The following PTH2R variants were observed in gnomAD, a reference collection of about 807,000 sequenced individuals.
PTH2R encodes the protein parathyroid hormone 2 receptor.
In PTH2R, 59 loss-of-function variants were observed where a neutral mutation model predicts 60.3. That is an observed-to-expected ratio of 0.98 (90% CI 0.79 to 1.22). The LOEUF is 1.22. Among genes scored for constraint, PTH2R ranks in the 50% most tolerant of loss-of-function variants. PTH2R has a pLI of 0.00. For synonymous variants in PTH2R, 256 were observed against 243.8 expected (o/e 1.05, Z -0.47); for missense variants, 749 against 682.6 (o/e 1.10, Z -1.08).
chr2:208,445,350 A>G (rs1175897717), intron 7 of PTH2R, among the ~76,000 whole-genome samples: 1 of 152,228 alleles, frequency 6.6e-6, no homozygotes, highest in African/African-American at 2.4e-5. Flanking sequence ...ACAAATACAA[A>G]TTACAAACTA....
intron 1 of PTH2R, among the ~76,000 whole-genome samples, chr2:208,363,155 GT>G (rs552845278): frequency 6.6e-6 from 1 of 152,108 alleles, no homozygotes; most frequent in Non-Finnish European, 1.5e-5. Flanking sequence ...CTGATAGGTA[GT>G]TTTTTGACCC....
chr2:208,479,633 A>G (rs1248783095), intron 9 of PTH2R, among the ~76,000 whole-genome samples: 1 of 152,134 alleles, frequency 6.6e-6, no homozygotes, highest in East Asian at 1.9e-4. Context: ...AACAAAATCT[A>G]TCTGTGAGCT....
At chr2:208,469,173 G>A (rs974643719) in intron 9 of PTH2R, among the ~76,000 whole-genome samples, 1 of 152,138 alleles carries the variant, frequency 6.6e-6, no homozygotes, top group Admixed American at 6.6e-5. Flanking sequence ...GAATTTATGG[G>A]AAAAATCTTT....
In PTH2R at chr2:208,444,684, A is replaced by G. The variant is rs565814693; in HGVS notation, c.700-50A>G. 52 of 1,556,786 alleles carry G rather than the reference A, an allele frequency of 3.3e-5. 1 individual carries two copies. In the South Asian group the frequency reaches 5.3e-4, roughly 16 times the overall value. On this transcript the variant is annotated intron_variant, in intron 6 of 12. Transcript: ENST00000272847. The stretch of plus-strand genomic sequence containing the variant: ...TTTTAGTGGTCTAATGTTGGCATCC[A>G]GTACAACAAAGTGTTCTAATATGAT...
At chr2:208,457,549 G>A (rs1702538940) in intron 8 of PTH2R, among the ~76,000 whole-genome samples, 1 of 152,164 alleles carries the variant, frequency 6.6e-6, no homozygotes. Context: ...AAAGGAAAAA[G>A]CAAATTGCAG....
intron 1 of PTH2R, among the ~76,000 whole-genome samples, chr2:208,413,466 A>G (rs933860554): frequency 6.6e-6 from 1 of 152,212 alleles, no homozygotes; most frequent in African/African-American, 2.4e-5. Flanking sequence ...GAAAGTGTAA[A>G]AATGATTCAG....
chr2:208,485,761 C>A (rs1267455493), intron 10 of PTH2R, among the ~76,000 whole-genome samples: 1 of 152,182 alleles, frequency 6.6e-6, no homozygotes, highest in Non-Finnish European at 1.5e-5. Context: ...TCCCCCAATA[C>A]CCTTCGCCTT....
At chr2:208,394,182 C>T (rs1407210547) in intron 1 of PTH2R, among the ~76,000 whole-genome samples, 6 of 152,164 alleles carry the variant, frequency 3.9e-5, no homozygotes, top group Non-Finnish European at 8.8e-5. Context: ...AATCAAGGCT[C>T]CCCACTAGCA....
At chr2:208,474,594 G>A (rs1249286361) in intron 9 of PTH2R, among the ~76,000 whole-genome samples, 1 of 152,232 alleles carries the variant, frequency 6.6e-6, no homozygotes, top group Non-Finnish European at 1.5e-5. Flanking sequence ...TTCTATGGCT[G>A]GAAGGAACAA....
intron 1 of PTH2R, among the ~76,000 whole-genome samples, chr2:208,408,036 A>G (rs928447656): frequency 2.0e-5 from 3 of 152,224 alleles, no homozygotes; most frequent in African/African-American, 7.2e-5. Context: ...AATTTCAATT[A>G]TTCTAAAAGT....
chr2:208,487,180 A>G (rs1172904090), intron 10 of PTH2R, among the ~76,000 whole-genome samples: 1 of 152,194 alleles, frequency 6.6e-6, no homozygotes, highest in African/African-American at 2.4e-5. Context: ...AAGCCTGAGA[A>G]TATTATAGCT....
chr2:208,440,441 AT>A lies in PTH2R; in HGVS notation c.412-1915del, dbSNP rs569799793. Reference sequence around the variant, plus strand: ...TAAGAGAAAATAATAAGTAATTAATATTTTTTTTAAAAGAAACAAGAGGCAA... The same window carrying A: ...TAAGAGAAAATAATAAGTAATTAATATTTTTTTAAAAGAAACAAGAGGCAA... On this transcript the variant is annotated intron_variant, in intron 4 of 12. Coordinates refer to ENST00000272847, the MANE Select transcript of PTH2R (RefSeq NM_005048.4). Among the ~76,000 whole-genome samples the A allele has an allele frequency of 9.2e-5, 14 of 152,202 alleles. No individual in the cohort carries two copies. In the East Asian group the frequency reaches 1.2e-3, roughly 13 times the overall value.
At chr2:208,411,267 A>C (rs1559211826) in intron 1 of PTH2R, among the ~76,000 whole-genome samples, 1 of 152,216 alleles carries the variant, frequency 6.6e-6, no homozygotes, top group Non-Finnish European at 1.5e-5. Flanking sequence ...TGGCAGAATG[A>C]AATGGAAACT....
In PTH2R at chr2:208,439,993, G is replaced by T. The variant is rs140618791; in HGVS notation, c.411+2112G>T. 4.1e-3 allele frequency among the ~76,000 whole-genome samples: 625 copies of T among 152,230 alleles called. 6 individuals carry two copies. Among genetic ancestry groups the T allele is most frequent in the Non-Finnish European group, 5.5e-3 (373 of 68,022 alleles). On this transcript the variant is annotated intron_variant, in intron 4 of 12. Coordinates refer to ENST00000272847, the MANE Select transcript of PTH2R (RefSeq NM_005048.4). Reference sequence around the variant, plus strand: ...CTAATGAAGAACTGGTTAAATAAGCGCAAATATATGCATATAAATTTTATA... The same window carrying T: ...CTAATGAAGAACTGGTTAAATAAGCTCAAATATATGCATATAAATTTTATA...
At chr2:208,450,986 C>T (rs186781617) in intron 8 of PTH2R, among the ~76,000 whole-genome samples, 177 bp downstream of exon 8, 9 of 152,112 alleles carry the variant, frequency 5.9e-5, no homozygotes, top group Admixed American at 5.9e-4. Flanking sequence ...CTGTCTATTC[C>T]AGAGGTCATA....
intron 1 of PTH2R, among the ~76,000 whole-genome samples, chr2:208,376,792 C>T (rs1700800148): frequency 6.6e-6 from 1 of 152,028 alleles, no homozygotes; most frequent in South Asian, 2.1e-4. Flanking sequence ...GTCACTCCCT[C>T]TTTTATCCGC....
chr2:208,418,986 A>C (rs1347055658), intron 1 of PTH2R, among the ~76,000 whole-genome samples: 1 of 152,220 alleles, frequency 6.6e-6, no homozygotes, highest in Admixed American at 6.5e-5. Flanking sequence ...TGAAGCTATA[A>C]CTTAAATGTA....
At chr2:208,368,216 A>G (rs1436878242) in intron 1 of PTH2R, among the ~76,000 whole-genome samples, 1 of 152,120 alleles carries the variant, frequency 6.6e-6, no homozygotes, top group African/African-American at 2.4e-5. Context: ...AACTTTGACA[A>G]TCTTTTTTAC....
At chr2:208,387,043 T>C (rs1701015908) in intron 1 of PTH2R, among the ~76,000 whole-genome samples, 1 of 152,180 alleles carries the variant, frequency 6.6e-6, no homozygotes, top group South Asian at 2.1e-4. Flanking sequence ...TACGATTCTT[T>C]TTTACTTTTT....
Sources: allele counts gnomAD v4.1 joint callset (sites outside exome capture counted in the v4.1 genomes callset), GRCh38; gene constraint gnomAD v4.1.1; transcripts MANE v1.5; gene names NCBI Gene and HGNC (gene_info 2026-07-23, HGNC 2026-07-21).